ADAMTS12: variants seen among roughly 807,000 people sequenced by gnomAD.
ADAMTS12 encodes the protein ADAM metallopeptidase with thrombospondin type 1 motif 12.
A neutral mutation model predicts 167.8 loss-of-function variants in ADAMTS12; 118 were observed. The ratio of observed to expected loss-of-function variants is 0.70; its 90% CI spans 0.61 to 0.82. The LOEUF is 0.82. ADAMTS12 is among the 40% of genes least tolerant of loss of function. The pLI is 0.00. For synonymous variants in ADAMTS12, 704 were observed against 716.9 expected, an observed-to-expected ratio of 0.98 and a Z score of 0.29; for missense variants, 1,916 against 1,998.8, an observed-to-expected ratio of 0.96 and a Z score of 0.79.
intron 3 of ADAMTS12, among the ~76,000 whole-genome samples, chr5:33,722,587 G>C (rs1290237125): frequency 6.6e-6 from 1 of 152,160 alleles, no homozygotes; most frequent in African/African-American, 2.4e-5. Context: ...TATTTTCTTA[G>C]ACCAAATAAC....
At chr5:33,749,681 T>C (rs1744909288) in intron 3 of ADAMTS12, among the ~76,000 whole-genome samples, 1 of 152,178 alleles carries the variant, frequency 6.6e-6, no homozygotes. Context: ...GTGGAAAGTC[T>C]TGAGATCGGC....
At chr5:33,798,934 C>T (rs904735603) in intron 2 of ADAMTS12, among the ~76,000 whole-genome samples, 1 of 152,154 alleles carries the variant, frequency 6.6e-6, no homozygotes, top group Admixed American at 6.5e-5. Context: ...GGCATCTGTG[C>T]AATCCCCTGC....
intron 19 of ADAMTS12, among the ~76,000 whole-genome samples, chr5:33,573,502 T>C (rs1746501839): frequency 6.6e-6 from 1 of 152,134 alleles, no homozygotes; most frequent in Non-Finnish European, 1.5e-5. Flanking sequence ...AGGAAAGGAT[T>C]CCCTATTTAA....
At chr5:33,674,468 T>TA (rs1278926022) in intron 5 of ADAMTS12, among the ~76,000 whole-genome samples, 2 of 152,186 alleles carry the variant, frequency 1.3e-5, no homozygotes, top group African/African-American at 4.8e-5. Context: ...CCTTAGAAGA[T>TA]AGTCTTTTTC....
At chr5:33,828,583 T>G (rs1264339662) in intron 2 of ADAMTS12, among the ~76,000 whole-genome samples, 1 of 152,192 alleles carries the variant, frequency 6.6e-6, no homozygotes, top group Non-Finnish European at 1.5e-5. Flanking sequence ...TTATCCTACA[T>G]TTTCTTTTGT....
chr5:33,751,623 AT>A, intron 2 of ADAMTS12, 75 bp from the exon 3 acceptor site: 1 of 1,460,232 alleles, frequency 6.8e-7, no homozygotes, highest in Non-Finnish European at 9.4e-7. Context: ...GAAAAATTAT[AT>A]AGCTTATGAG....
At chr5:33,805,194 C>T (rs1747175782) in intron 2 of ADAMTS12, among the ~76,000 whole-genome samples, 1 of 152,142 alleles carries the variant, frequency 6.6e-6, no homozygotes, top group South Asian at 2.1e-4. Flanking sequence ...ACAAAAGGAG[C>T]CACCCTCCAG....
intron 16 of ADAMTS12, 23 bp downstream of exon 16, chr5:33,614,213 CAT>C: frequency 6.2e-7 from 1 of 1,610,570 alleles, no homozygotes; most frequent in South Asian, 1.1e-5. Flanking sequence ...GGCATGGCTT[CAT>C]AGTGAGAGCA....
At chr5:33,650,507 T>C (rs1245420430) in intron 7 of ADAMTS12, among the ~76,000 whole-genome samples, 3 of 152,252 alleles carry the variant, frequency 2.0e-5, no homozygotes, top group Admixed American at 6.5e-5. Flanking sequence ...AAGTTTAGAC[T>C]TTGAGATTTG....
intron 7 of ADAMTS12, among the ~76,000 whole-genome samples, chr5:33,650,504 G>A (rs1740833426): frequency 1.3e-5 from 2 of 152,092 alleles, no homozygotes; most frequent in South Asian, 4.2e-4. Flanking sequence ...AAAAAGTTTA[G>A]ACTTTGAGAT....
chr5:33,783,082 A>G (rs1483398104), intron 2 of ADAMTS12, among the ~76,000 whole-genome samples: 1 of 152,048 alleles, frequency 6.6e-6, no homozygotes, highest in African/African-American at 2.4e-5. Context: ...AGTTCTCTGA[A>G]CACCAGAATA....
At chr5:33,860,373 G>T (rs1749564105) in intron 2 of ADAMTS12, among the ~76,000 whole-genome samples, 1 of 152,076 alleles carries the variant, frequency 6.6e-6, no homozygotes. Context: ...GCATACACAA[G>T]TATCAATAAC....
chr5:33,645,139 C>T (rs1404748950), intron 9 of ADAMTS12, among the ~76,000 whole-genome samples: 1 of 142,668 alleles, frequency 7.0e-6, no homozygotes, highest in Non-Finnish European at 1.5e-5. Flanking sequence ...AGGACAAATG[C>T]TTTATTTATT....
In ADAMTS12 at chr5:33,868,136, TC is replaced by T. The variant is rs1302628098; in HGVS notation, c.489+12982del. ...CCTATGGAACTGAGTCAATTAAACC[TC>T]TTTTCTTTATAAATTACCTAGTCAC... On this transcript the variant is annotated intron_variant, in intron 2 of 23. Coordinates refer to ENST00000504830, the MANE Select transcript of ADAMTS12 (RefSeq NM_030955.4). Among the ~76,000 whole-genome samples, 23 of 152,308 alleles carry T rather than the reference TC, an allele frequency of 1.5e-4. No individual in the cohort carries two copies. In the East Asian group the frequency reaches 4.2e-3, roughly 28 times the overall value.
intron 22 of ADAMTS12, among the ~76,000 whole-genome samples, chr5:33,542,289 A>G (rs567762289): frequency 2.0e-5 from 3 of 152,352 alleles, no homozygotes; most frequent in African/African-American, 4.8e-5. Flanking sequence ...AGAGCTAACT[A>G]TCCTAAATAT....
At chr5:33,639,834 T>C (rs939209599) in intron 11 of ADAMTS12, among the ~76,000 whole-genome samples, 2 of 152,086 alleles carry the variant, frequency 1.3e-5, no homozygotes, top group Non-Finnish European at 2.9e-5. Flanking sequence ...TTTCTATACC[T>C]CCCCTCCCTC....
At chr5:33,575,996 T>C in intron 19 of ADAMTS12, 58 bp downstream of exon 19, 1 of 1,536,846 alleles carries the variant, frequency 6.5e-7, no homozygotes, top group Non-Finnish European at 8.7e-7. Context: ...TTCACATGAA[T>C]TTAACACTCC....
intron 6 of ADAMTS12, among the ~76,000 whole-genome samples, chr5:33,660,570 T>G (rs1172541876): frequency 2.0e-5 from 3 of 152,176 alleles, no homozygotes; most frequent in Non-Finnish European, 4.4e-5. Flanking sequence ...AAGGAAAGAC[T>G]TTCTGAGACA....
At chr5:33,765,391 A>C (rs1401705127) in intron 2 of ADAMTS12, among the ~76,000 whole-genome samples, 1 of 152,230 alleles carries the variant, frequency 6.6e-6, no homozygotes. Flanking sequence ...AATTGTCCCC[A>C]AAACATCTTA....
Sources: allele counts gnomAD v4.1 joint callset (sites outside exome capture counted in the v4.1 genomes callset), GRCh38; gene constraint gnomAD v4.1.1; transcripts MANE v1.5; gene names NCBI Gene and HGNC (gene_info 2026-07-23, HGNC 2026-07-21).